Variants in TMEFF2 observed in about 807,000 individuals in gnomAD.
TMEFF2 encodes tomoregulin-2.
A neutral mutation model predicts 53.8 loss-of-function variants in TMEFF2; 28 were observed. The observed-to-expected ratio is 0.52, with a 90% confidence interval of 0.39 to 0.71. The LOEUF is 0.71. Among genes scored for constraint, TMEFF2 ranks in the 30% least tolerant of loss-of-function variants. The pLI, the probability that TMEFF2 is intolerant of heterozygous loss-of-function variation, is 0.00. For missense variants in TMEFF2, 353 were observed against 455.2 expected (o/e 0.78, Z 2.04); for synonymous variants, 162 against 166.3 (o/e 0.97, Z 0.20).
intron 4 of TMEFF2, among the ~76,000 whole-genome samples, chr2:192,139,979 A>G (rs1168269818): frequency 6.6e-6 from 1 of 152,140 alleles, no homozygotes; most frequent in African/African-American, 2.4e-5. Flanking sequence ...GTCTTAGCTG[A>G]AAACTAAATG....
At chr2:192,111,226 T>C (rs986962924) in intron 4 of TMEFF2, among the ~76,000 whole-genome samples, 1 of 152,110 alleles carries the variant, frequency 6.6e-6, no homozygotes, top group Non-Finnish European at 1.5e-5. Context: ...TAGAAGAAGA[T>C]ACAAAAATGT....
chr2:192,153,904 G>A (rs1449376735), intron 4 of TMEFF2, among the ~76,000 whole-genome samples: 1 of 151,758 alleles, frequency 6.6e-6, no homozygotes, highest in Admixed American at 6.6e-5. Flanking sequence ...ACATAAAATC[G>A]CTTTTTCATT....
intron 5 of TMEFF2, among the ~76,000 whole-genome samples, chr2:192,049,775 G>A (rs1390310695): frequency 2.6e-5 from 4 of 152,274 alleles, no homozygotes; most frequent in Middle Eastern, 3.4e-3. Flanking sequence ...GCTGAGGCGG[G>A]AGGATCACAA....
At chr2:192,146,083 AC>A (rs1475008860) in intron 4 of TMEFF2, among the ~76,000 whole-genome samples, 1 of 152,006 alleles carries the variant, frequency 6.6e-6, no homozygotes, top group African/African-American at 2.4e-5. Context: ...AGGAAAAAAA[AC>A]ACCATAAAAA....
Position 191,998,337 on chromosome 2 carries a change from A to C in TMEFF2, c.686-16T>G. The C allele has an allele frequency of 1.9e-6, 3 of 1,570,304 alleles. No individual in the cohort carries two copies. The highest frequency in any genetic ancestry group is 2.6e-6 in the Non-Finnish European group (3 of 1,151,442). On this transcript the variant is annotated splice_polypyrimidine_tract_variant and intron_variant, in intron 6 of 9. Coordinates refer to ENST00000272771, the MANE Select transcript of TMEFF2 (RefSeq NM_016192.4). ...GTTGTGTTATCTGTGTTAAAAAATTAACAATAAAAATTGATTAACTGCTTC... is the reference window on the plus strand; with the variant it reads ...GTTGTGTTATCTGTGTTAAAAAATTCACAATAAAAATTGATTAACTGCTTC...
intron 8 of TMEFF2, among the ~76,000 whole-genome samples, chr2:191,955,327 C>T (rs985011400): frequency 1.3e-5 from 2 of 150,956 alleles, no homozygotes; most frequent in African/African-American, 4.9e-5. Context: ...TTTAGACATA[C>T]AGTAGGTATT....
At chr2:192,103,264 G>A (rs1023990557) in intron 4 of TMEFF2, among the ~76,000 whole-genome samples, 7 of 152,108 alleles carry the variant, frequency 4.6e-5, no homozygotes, top group Non-Finnish European at 1.0e-4. Flanking sequence ...TACAATTGCT[G>A]TCGTATTTCC....
intron 7 of TMEFF2, among the ~76,000 whole-genome samples, chr2:191,986,859 G>GAAAAA (rs35061261): frequency 3.9e-5 from 3 of 76,524 alleles, no homozygotes; most frequent in Non-Finnish European, 5.3e-5. Flanking sequence ...CTCCGTCTCA[G>GAAAAA]AAAAAAAAAA....
chr2:191,983,870 G>A (rs141148859), intron 7 of TMEFF2, among the ~76,000 whole-genome samples: 144 of 152,252 alleles, frequency 9.5e-4, no homozygotes, highest in African/African-American at 2.7e-3. Flanking sequence ...ATTCAATATC[G>A]TTTCTAAATG....
chr2:191,985,948 GAC>G (rs1685965214), intron 7 of TMEFF2, among the ~76,000 whole-genome samples: 3 of 152,162 alleles, frequency 2.0e-5, no homozygotes, highest in Admixed American at 2.0e-4. Context: ...AGAAGAATGT[GAC>G]ACAGTGTATC....
intron 4 of TMEFF2, among the ~76,000 whole-genome samples, chr2:192,165,025 C>A (rs1690727981): frequency 8.5e-6 from 1 of 117,320 alleles, no homozygotes; most frequent in South Asian, 2.6e-4. Context: ...TGCACACATA[C>A]TTGCATGTGC....
At chr2:192,055,153 C>T (rs964374861) in intron 5 of TMEFF2, among the ~76,000 whole-genome samples, 1 of 151,990 alleles carries the variant, frequency 6.6e-6, no homozygotes, top group Non-Finnish European at 1.5e-5. Flanking sequence ...CACCAATAAA[C>T]GTTAGAAACG....
chr2:192,032,388 G>T (rs1347233790), intron 5 of TMEFF2: 1 of 152,188 alleles, frequency 6.6e-6, no homozygotes, highest in Non-Finnish European at 1.5e-5. Context: ...TCATGGACAT[G>T]AGATGGTAAA....
chr2:192,157,062 G>C (rs1157437603), intron 4 of TMEFF2, among the ~76,000 whole-genome samples: 1 of 151,692 alleles, frequency 6.6e-6, no homozygotes, highest in Non-Finnish European at 1.5e-5. Flanking sequence ...ATTCTTCCCT[G>C]GCAACCTCCA....
At chr2:192,008,472 A>G (rs538422049) in intron 5 of TMEFF2, among the ~76,000 whole-genome samples, 63 of 152,330 alleles carry the variant, frequency 4.1e-4, no homozygotes, top group African/African-American at 1.5e-3. Flanking sequence ...GTACGTTTTT[A>G]AAAGTATCTT....
chr2:192,110,765 T>C (rs1357380628), intron 4 of TMEFF2, among the ~76,000 whole-genome samples: 1 of 152,206 alleles, frequency 6.6e-6, no homozygotes, highest in Non-Finnish European at 1.5e-5. Flanking sequence ...ATGGTTTGGC[T>C]GTGTCCCCAC....
At chr2:192,092,261 A>G (rs1688807474) in intron 4 of TMEFF2, among the ~76,000 whole-genome samples, 1 of 152,158 alleles carries the variant, frequency 6.6e-6, no homozygotes, top group African/African-American at 2.4e-5. Flanking sequence ...ACTCTCTCCA[A>G]TATTCTCCTT....
At chr2:192,101,883 G>A (rs1272374021) in intron 4 of TMEFF2, among the ~76,000 whole-genome samples, 5 of 152,134 alleles carry the variant, frequency 3.3e-5, no homozygotes, top group Admixed American at 6.6e-5. Context: ...TGTTAACTCC[G>A]GTGACGATAC....
At chr2:192,061,001 G>A (rs142390605) in intron 4 of TMEFF2, among the ~76,000 whole-genome samples, 12 of 152,156 alleles carry the variant, frequency 7.9e-5, no homozygotes, top group Admixed American at 2.6e-4. Flanking sequence ...GTTTGGAATC[G>A]GAGGGATTAT....
Sources: allele counts gnomAD v4.1 joint callset (sites outside exome capture counted in the v4.1 genomes callset), GRCh38; gene constraint gnomAD v4.1.1; transcripts MANE v1.5; gene names NCBI Gene and HGNC (gene_info 2026-07-23, HGNC 2026-07-21).